Variants in PDE12 observed in about 807,000 individuals in gnomAD.
The protein encoded by PDE12 is 2',5'-phosphodiesterase 12.
PDE12 carries 26 observed loss-of-function variants against 45.4 expected under a neutral mutation model. The observed-to-expected ratio is 0.57, with a 90% CI of 0.42 to 0.79. The LOEUF (loss-of-function observed/expected upper bound fraction) is 0.79. Among genes scored for constraint, PDE12 ranks in the 30% least tolerant of loss-of-function variants. PDE12 has a pLI of 0.00. For missense variants in PDE12, 668 were observed against 790.0 expected (o/e 0.85, Z 1.85); for synonymous variants, 283 against 323.9 (o/e 0.87, Z 1.36).
At chr3:57,624,297 C>G in the PDE12 span, among the ~76,000 whole-genome samples, 1 of 151,994 alleles carries the variant, frequency 6.6e-6, no homozygotes, top group African/African-American at 2.4e-5. Context: ...AATACAGGCG[C>G]CCGCCACCAC....
chr3:57,575,515 T>C, the PDE12 span: 1 of 1,589,894 alleles, frequency 6.3e-7, no homozygotes. Context: ...GTCTTAATAG[T>C]CAAGAGGTTA....
chr3:57,596,580 G>A, the PDE12 span: 87 of 153,094 alleles, frequency 5.7e-4, no homozygotes, highest in Middle Eastern at 0.01. Flanking sequence ...TGCCCCGGGC[G>A]GCTCCAGGCT....
chr3:57,645,834 C>T, the PDE12 span: 5 of 1,033,214 alleles, frequency 4.8e-6, no homozygotes, highest in Non-Finnish European at 1.5e-6. Flanking sequence ...AACATCTATA[C>T]AAACGGTATA....
chr3:57,649,271 T>A, the PDE12 span, among the ~76,000 whole-genome samples: 1 of 152,040 alleles, frequency 6.6e-6, no homozygotes, highest in Admixed American at 6.6e-5. Context: ...CATCACTAAT[T>A]ATCAGGGAAA....
the PDE12 span, among the ~76,000 whole-genome samples, chr3:57,585,036 G>T: frequency 6.6e-6 from 1 of 151,980 alleles, no homozygotes; most frequent in Non-Finnish European, 1.5e-5. Flanking sequence ...GCTAATTTTT[G>T]TATTTTTAGT....
At chr3:57,644,074 C>T in the PDE12 span, among the ~76,000 whole-genome samples, 13 of 149,154 alleles carry the variant, frequency 8.7e-5, no homozygotes, top group African/African-American at 2.7e-4. Flanking sequence ...CTCGTGAACC[C>T]GGGAGGCGGA....
At chr3:57,577,581 A>C in the PDE12 span, among the ~76,000 whole-genome samples, 1 of 152,206 alleles carries the variant, frequency 6.6e-6, no homozygotes, top group African/African-American at 2.4e-5. Context: ...TGCTATTTCA[A>C]ATCTAAAAAA....
chr3:57,593,935 AC>A, the PDE12 span, among the ~76,000 whole-genome samples: 9 of 152,296 alleles, frequency 5.9e-5, no homozygotes, highest in Non-Finnish European at 7.4e-5. Context: ...AGGAAAAAAA[AC>A]ATAATTATTT....
the PDE12 span, among the ~76,000 whole-genome samples, chr3:57,645,203 C>T: frequency 2.0e-5 from 3 of 152,088 alleles, no homozygotes; most frequent in African/African-American, 7.2e-5. Flanking sequence ...TGGCTCACAC[C>T]TGTAATCCCA....
the PDE12 span, chr3:57,597,668 G>A: frequency 6.5e-6 from 1 of 154,018 alleles, no homozygotes; most frequent in African/African-American, 2.4e-5. Context: ...ATCAGACTCA[G>A]GGTGAGACGC....
the PDE12 span, among the ~76,000 whole-genome samples, chr3:57,643,015 AAAAAAAAG>A: frequency 6.7e-6 from 1 of 149,308 alleles, no homozygotes; most frequent in African/African-American, 2.5e-5. Context: ...TCAAAAAAAA[AAAAAAAAG>A]AAAGATCACT....
In PDE12 at chr3:57,563,394, C is replaced by T. The variant is rs924639765; in HGVS notation, c.*3390C>T. 2 of 151,978 alleles carry T rather than the reference C, an allele frequency of 1.3e-5. No individual in the cohort carries two copies. The highest frequency in any genetic ancestry group is 2.9e-5 in the Non-Finnish European group (2 of 68,012). 9.4% of individuals were successfully genotyped at this position (151,978 alleles called of 1,614,324 possible). A position where few individuals can be genotyped will look rare whatever the true frequency, so the allele number is the denominator to read the frequency against. On this transcript the variant is annotated 3_prime_UTR_variant, in exon 3 of 3. Transcript: ENST00000311180. The stretch of plus-strand genomic sequence containing the variant: ...TACTTTAAGTTCTAGTGTACATGTG[C>T]CCAACGTGCAGATTTGTTACATAGG...
At chr3:57,598,800 A>G in the PDE12 span, among the ~76,000 whole-genome samples, 9 of 151,672 alleles carry the variant, frequency 5.9e-5, no homozygotes, top group African/African-American at 2.2e-4. Context: ...CAACAACAAC[A>G]AAAAAACCCC....
the PDE12 span, chr3:57,628,471 C>T: frequency 5.3e-6 from 7 of 1,325,372 alleles, no homozygotes; most frequent in Non-Finnish European, 6.0e-6. Flanking sequence ...CCAGAAATTA[C>T]AGAAACTAAA....
chr3:57,557,705 G>A lies in PDE12; in HGVS notation c.1308+18G>A. 1 of 1,605,440 alleles carries A rather than the reference G, an allele frequency of 6.2e-7. No homozygotes were observed. ...TTCTTCAGGTAAAGTAGTTCCGCCC[G>A]TCTCTTCACATACTGTCCCACTTTT... On this transcript the variant is annotated intron_variant, in intron 1 of 2. Coordinates refer to ENST00000311180, the MANE Select transcript of PDE12 (RefSeq NM_177966.7).
At chr3:57,580,447 G>A in the PDE12 span, among the ~76,000 whole-genome samples, 1 of 151,986 alleles carries the variant, frequency 6.6e-6, no homozygotes, top group Non-Finnish European at 1.5e-5. Context: ...TGTCCCCCAG[G>A]CTGGAGTACA....
chr3:57,603,329 GTTTA>G, the PDE12 span, among the ~76,000 whole-genome samples: 2 of 151,590 alleles, frequency 1.3e-5, no homozygotes, highest in Admixed American at 6.6e-5. Context: ...ATATTTTCAT[GTTTA>G]TTTTTTATTT....
At chr3:57,569,829 CAAAAAAA>C (rs11310053), downstream of PDE12, among the ~76,000 whole-genome samples, 4 of 67,878 alleles carry the variant, frequency 5.9e-5, no homozygotes, top group South Asian at 6.2e-4. Context: ...AAAACCATCT[CAAAAAAA>C]AAAAAAAAAA....
At position 57,559,201 on chromosome 3, in the gene PDE12, A is replaced by C. The variant is rs143976770; in HGVS notation, c.1309-109A>C. 1.1e-3 allele frequency: 965 copies of C among 859,866 alleles called. 7 individuals are homozygous for C. The African/African-American group carries it at 0.015, about 13-fold the overall frequency. 53.3% of individuals were successfully genotyped at this position (859,866 alleles called of 1,614,324 possible). A position where few individuals can be genotyped will look rare whatever the true frequency, so the allele number is the denominator to read the frequency against. On this transcript the variant is annotated intron_variant, in intron 1 of 2. Coordinates refer to ENST00000311180, the MANE Select transcript of PDE12 (RefSeq NM_177966.7). ...GCGCTACTGCACTCCAGCCTGGTTG[A>C]CAGAGTGAGACTGTCTCGAAAAAAC...
Sources: allele counts gnomAD v4.1 joint callset (sites outside exome capture counted in the v4.1 genomes callset), GRCh38; gene constraint gnomAD v4.1.1; transcripts MANE v1.5; gene names NCBI Gene and HGNC (gene_info 2026-07-23, HGNC 2026-07-21).